PSD3: variants seen among roughly 807,000 people sequenced by gnomAD.
PSD3 encodes the protein pleckstrin and Sec7 domain containing 3.
Under a neutral mutation model 105.5 loss-of-function variants are expected in PSD3, and 49 were observed. The observed-to-expected ratio is 0.46, with a 90% CI of 0.37 to 0.59. PSD3 has a LOEUF of 0.59. Ranked by LOEUF, PSD3 falls within the 20% of genes least tolerant of loss-of-function variation. The probability of loss-of-function intolerance (pLI) is 0.00; values close to 1 mark genes in which losing one functional copy is unlikely to be tolerated. For synonymous variants in PSD3, 557 were observed against 457.8 expected, an observed-to-expected ratio of 1.22 and a Z score of -2.77; for missense variants, 1,561 against 1,263.8, an observed-to-expected ratio of 1.24 and a Z score of -3.57.
intron 4 of PSD3, among the ~76,000 whole-genome samples, chr8:18,827,194 C>A (rs1221764615): frequency 6.6e-6 from 1 of 152,166 alleles, no homozygotes; most frequent in Non-Finnish European, 1.5e-5. Context: ...AAACTCTGCA[C>A]AGAAAACTAT....
chr8:19,069,300 G>C lies in PSD3; in HGVS notation c.324+14906C>G, dbSNP rs532583570. On this transcript the variant is annotated intron_variant, in intron 1 of 1. Coordinates refer to the PSD3 transcript ENST00000521475. Reference sequence around the variant, plus strand: ...GGATCCCCTGGCCTACAAAAGCTGAGTAAGGCAGTTTCCACAAGGGCTTAG... The same window carrying C: ...GGATCCCCTGGCCTACAAAAGCTGACTAAGGCAGTTTCCACAAGGGCTTAG... 9.9e-5 allele frequency among the ~76,000 whole-genome samples: 15 copies of C among 152,264 alleles called. 1 individual carries two copies. The South Asian group carries it at 3.1e-3, about 32-fold the overall frequency.
intron 14 of PSD3, among the ~76,000 whole-genome samples, chr8:18,558,767 G>C (rs1289791120): frequency 6.6e-6 from 1 of 152,206 alleles, no homozygotes; most frequent in Non-Finnish European, 1.5e-5. Context: ...GCTGCAGTGA[G>C]TCGAGGTTGC....
At chr8:18,796,790 GA>G (rs780241537) in intron 8 of PSD3, among the ~76,000 whole-genome samples, 13 of 152,034 alleles carry the variant, frequency 8.6e-5, no homozygotes, top group Non-Finnish European at 1.5e-4. Flanking sequence ...CAACGGTAAG[GA>G]AAAAAAGAAT....
chr8:18,727,334 CAAAAAAAAAAAA>C (rs11300334), intron 9 of PSD3, among the ~76,000 whole-genome samples: 3 of 55,806 alleles, frequency 5.4e-5, no homozygotes, highest in East Asian at 1.1e-3. Context: ...GACTGTGTCT[CAAAAAAAAAAAA>C]AAAAAAAAAA....
chr8:18,754,294 G>A (rs1805846913), intron 9 of PSD3, among the ~76,000 whole-genome samples: 1 of 152,088 alleles, frequency 6.6e-6, no homozygotes, highest in Non-Finnish European at 1.5e-5. Flanking sequence ...TAAGACAGGG[G>A]AATCACTTGA....
chr8:18,928,453 TG>T (rs1821517780), intron 2 of PSD3, among the ~76,000 whole-genome samples: 1 of 152,236 alleles, frequency 6.6e-6, no homozygotes, highest in African/African-American at 2.4e-5. Flanking sequence ...AACAGACTAA[TG>T]TATTAAATTT....
chr8:19,013,357 A>G (rs1473507641), intron 1 of PSD3, among the ~76,000 whole-genome samples: 2 of 152,068 alleles, frequency 1.3e-5, no homozygotes, highest in Non-Finnish European at 2.9e-5. Context: ...CCTTAACACC[A>G]CAAAGTTGAC....
At chr8:18,765,426 A>G in intron 9 of PSD3, 23 bp downstream of exon 9, 1 of 1,566,162 alleles carries the variant, frequency 6.4e-7, no homozygotes, top group South Asian at 1.1e-5. Flanking sequence ...GCATACACTA[A>G]AAACCAATAG....
chr8:18,776,143 C>T (rs1392154756), intron 8 of PSD3, among the ~76,000 whole-genome samples: 1 of 151,722 alleles, frequency 6.6e-6, no homozygotes, highest in Non-Finnish European at 1.5e-5. Context: ...TTTGTCAAAA[C>T]TAAGTTGGCT....
chr8:18,984,192 A>AAAAAAAAATAAT (rs1554559914), intron 1 of PSD3, among the ~76,000 whole-genome samples: 3 of 146,418 alleles, frequency 2.0e-5, no homozygotes, highest in African/African-American at 7.5e-5. Flanking sequence ...CCTTCAATTA[A>AAAAAAAAATAAT]AATAATAATA....
chr8:18,901,409 A>C (rs183643085), intron 2 of PSD3, among the ~76,000 whole-genome samples: 24 of 152,312 alleles, frequency 1.6e-4, no homozygotes, highest in Non-Finnish European at 3.2e-4. Context: ...TGGAGAATTT[A>C]ATCCATTGAC....
rs71510616 is a variant in PSD3 at position 18,676,994 on chromosome 8, A to G, written c.2173-21309T>C. On this transcript the variant is annotated intron_variant, in intron 9 of 15. Transcript: ENST00000327040. ...AAACACATCACCTACACTTTACTCA[A>G]GTGAAAATGGGTAAACAGTGATCGT... Among the ~76,000 whole-genome samples, 565 of 152,356 alleles carry G rather than the reference A, an allele frequency of 3.7e-3. 2 individuals are homozygous for G. Among genetic ancestry groups the G allele is most frequent in the Admixed American group, 6.3e-3 (97 of 15,308 alleles).
intron 1 of PSD3, among the ~76,000 whole-genome samples, chr8:19,040,242 G>C (rs1006406273): frequency 6.6e-6 from 1 of 152,098 alleles, no homozygotes; most frequent in Admixed American, 6.5e-5. Flanking sequence ...TCGTTTTGTT[G>C]CTCGGGCTGG....
At chr8:18,732,742 A>G (rs1269784200) in intron 9 of PSD3, 1 of 152,250 alleles carries the variant, frequency 6.6e-6, no homozygotes, top group Non-Finnish European at 1.5e-5. Flanking sequence ...GGGAGGGGAA[A>G]TAGACTCTAC....
chr8:18,606,378 C>T (rs1034952096), intron 11 of PSD3, among the ~76,000 whole-genome samples: 3 of 152,164 alleles, frequency 2.0e-5, no homozygotes, highest in East Asian at 3.9e-4. Context: ...CACCTCCCCA[C>T]ATTTGTACTC....
chr8:18,533,005 G>C lies in PSD3; in HGVS notation c.*2738C>G, dbSNP rs1352958649. 1 of 152,342 alleles carries C rather than the reference G, an allele frequency of 6.6e-6. No homozygotes were observed. The highest frequency in any genetic ancestry group is 2.4e-5 in the African/African-American group (1 of 41,462). 9.4% of individuals were successfully genotyped at this position (152,342 alleles called of 1,614,324 possible). On this transcript the variant is annotated 3_prime_UTR_variant, in exon 16 of 16. Transcript: ENST00000327040. ...GACGGAGGTGGGTGGCGTACCTTCAGAGGAAAGGGAAGGGGTGCTCCCTTG... is the reference window on the plus strand; with the variant it reads ...GACGGAGGTGGGTGGCGTACCTTCACAGGAAAGGGAAGGGGTGCTCCCTTG...
At chr8:18,845,867 G>A (rs146309777) in intron 4 of PSD3, among the ~76,000 whole-genome samples, 1 of 152,312 alleles carries the variant, frequency 6.6e-6, no homozygotes, top group African/African-American at 2.4e-5. Context: ...TTACTGTTTG[G>A]AAGAAAATAA....
intron 2 of PSD3, among the ~76,000 whole-genome samples, chr8:18,913,754 C>T (rs760892933): frequency 4.4e-4 from 67 of 152,226 alleles, no homozygotes; most frequent in Non-Finnish European, 7.6e-4. Context: ...CAGGACTGCC[C>T]GTACAGGCCC....
At chr8:18,656,243 A>G (rs890699899) in intron 9 of PSD3, among the ~76,000 whole-genome samples, 2 of 151,982 alleles carry the variant, frequency 1.3e-5, no homozygotes, top group Admixed American at 6.5e-5. Context: ...TTTTTAGTAG[A>G]GACGGGGTTT....
Sources: allele counts gnomAD v4.1 joint callset (sites outside exome capture counted in the v4.1 genomes callset), GRCh38; gene constraint gnomAD v4.1.1; transcripts MANE v1.5; gene names NCBI Gene and HGNC (gene_info 2026-07-23, HGNC 2026-07-21).